Variants in STARD13 observed in about 807,000 individuals in gnomAD.
The protein encoded by STARD13 is stAR-related lipid transfer protein 13.
A neutral mutation model predicts 106.4 loss-of-function variants in STARD13; 62 were observed. That is an observed-to-expected ratio of 0.58 (90% confidence interval 0.48 to 0.72). The LOEUF (loss-of-function observed/expected upper bound fraction) is 0.72, where lower values mean the gene tolerates loss of function less well. STARD13 is among the 30% of genes least tolerant of loss of function. STARD13 has a pLI of 0.00. For missense variants in STARD13, 1,387 were observed against 1,424.0 expected (o/e 0.97, Z 0.42); for synonymous variants, 565 against 553.0 (o/e 1.02, Z -0.31).
chr13:33,599,079 T>C, the STARD13 span, among the ~76,000 whole-genome samples: 1 of 152,228 alleles, frequency 6.6e-6, no homozygotes, highest in Non-Finnish European at 1.5e-5. Context: ...TTGGTTTCTC[T>C]TCCAAACTTC....
At chr13:33,545,834 G>T in the STARD13 span, among the ~76,000 whole-genome samples, 113 of 152,182 alleles carry the variant, frequency 7.4e-4, no homozygotes, top group Non-Finnish European at 8.8e-4. Flanking sequence ...AACAGCCTGA[G>T]GCCCTCACCA....
intron 1 of STARD13, among the ~76,000 whole-genome samples, chr13:33,305,625 C>T (rs1892877694): frequency 6.6e-6 from 1 of 152,176 alleles, no homozygotes; most frequent in Admixed American, 6.5e-5. Context: ...GCACAGGGTT[C>T]TATGGAAACC....
At chr13:33,402,346 A>C in the STARD13 span, among the ~76,000 whole-genome samples, 2 of 152,372 alleles carry the variant, frequency 1.3e-5, no homozygotes, top group East Asian at 3.9e-4. Context: ...TTAGGGTTAG[A>C]GCACAGCATA....
chr13:33,667,456 T>C, the STARD13 span, among the ~76,000 whole-genome samples: 1 of 152,246 alleles, frequency 6.6e-6, no homozygotes, highest in Non-Finnish European at 1.5e-5. Context: ...TACTTTAAAT[T>C]TACTTTCATT....
chr13:33,426,169 A>C, the STARD13 span, among the ~76,000 whole-genome samples: 4 of 152,186 alleles, frequency 2.6e-5, no homozygotes, highest in African/African-American at 9.7e-5. Context: ...ATATGAGACT[A>C]ACCGTATACA....
chr13:33,532,094 T>C, the STARD13 span, among the ~76,000 whole-genome samples: 47 of 152,284 alleles, frequency 3.1e-4, no homozygotes, highest in South Asian at 3.5e-3. Context: ...GCACAGTCTA[T>C]AGGCTGTCGT....
chr13:33,198,124 C>A (rs901100281), intron 1 of STARD13, among the ~76,000 whole-genome samples: 4 of 152,184 alleles, frequency 2.6e-5, no homozygotes, highest in Non-Finnish European at 5.9e-5. Context: ...GCCGAGATCA[C>A]GCCACTGCAC....
chr13:33,352,304 GT>G (rs2078086350), upstream of STARD13, among the ~76,000 whole-genome samples: 1 of 152,176 alleles, frequency 6.6e-6, no homozygotes, highest in South Asian at 2.1e-4. Flanking sequence ...CTGCTATACA[GT>G]GTAACAACAA....
the STARD13 span, among the ~76,000 whole-genome samples, chr13:33,634,437 C>A: frequency 6.6e-6 from 1 of 152,160 alleles, no homozygotes; most frequent in Non-Finnish European, 1.5e-5. Context: ...GTTTCTAAAC[C>A]CATAGCCCCA....
chr13:33,591,429 C>A, the STARD13 span, among the ~76,000 whole-genome samples: 2 of 152,076 alleles, frequency 1.3e-5, no homozygotes, highest in East Asian at 3.9e-4. Context: ...ATATCCCCTG[C>A]CATAATATAA....
At position 33,127,437 on chromosome 13, in the gene STARD13, A is replaced by C; in HGVS notation, c.1858T>G (p.Ser620Ala). The C allele has an allele frequency of 6.2e-7, 1 of 1,604,770 alleles. No individual in the cohort carries two copies. The highest frequency in any genetic ancestry group is 1.3e-5 in the African/African-American group (1 of 74,848). Residue 620 changes from serine to alanine, a missense_variant, in exon 6 of 14, where the codon TCA becomes GCA. Physicochemically the swap from Ser to Ala is moderately conservative, Grantham distance 99 (BLOSUM62 1). Transcript: ENST00000336934. The stretch of plus-strand genomic sequence containing the variant: ...ATGATGGCCGTGAGGCGGAGCAGTG[A>C]GAAGCGCTGGAGCAGGCTCAGCTGG... ...ASQLSLLQRFSLLRLTAIMEK... is the reference protein window; with the variant it reads ...ASQLSLLQRFALLRLTAIMEK...
intron 8 of STARD13, among the ~76,000 whole-genome samples, chr13:33,114,765 G>A (rs1317486069): frequency 1.3e-5 from 2 of 151,988 alleles, no homozygotes; most frequent in South Asian, 2.1e-4. Context: ...ATCTCTATAT[G>A]TTGTCTCAGT....
the STARD13 span, among the ~76,000 whole-genome samples, chr13:33,521,144 G>A: frequency 2.0e-5 from 3 of 152,144 alleles, no homozygotes; most frequent in Non-Finnish European, 2.9e-5. Context: ...AGAGTCACTT[G>A]TTTGGCAGTC....
the STARD13 span, among the ~76,000 whole-genome samples, chr13:33,399,399 TCTC>T: frequency 6.6e-6 from 1 of 151,882 alleles, no homozygotes; most frequent in Non-Finnish European, 1.5e-5. Context: ...TACAGTTTAA[TCTC>T]TAAAGCATTA....
chr13:33,402,078 C>G, the STARD13 span, among the ~76,000 whole-genome samples: 3 of 152,056 alleles, frequency 2.0e-5, no homozygotes, highest in Admixed American at 2.0e-4. Flanking sequence ...ATAAGCCTGA[C>G]AGTACAAATA....
the STARD13 span, among the ~76,000 whole-genome samples, chr13:33,433,728 C>G: frequency 6.6e-6 from 1 of 152,126 alleles, no homozygotes; most frequent in South Asian, 2.1e-4. Context: ...AAAAATAATG[C>G]TTCCTTGATT....
the STARD13 span, among the ~76,000 whole-genome samples, chr13:33,528,240 A>T: frequency 7.6e-6 from 1 of 130,948 alleles, no homozygotes; most frequent in Non-Finnish European, 1.5e-5. Context: ...ATATATATAT[A>T]TACATATATA....
intron 1 of STARD13, among the ~76,000 whole-genome samples, chr13:33,316,343 G>C (rs1893336431): frequency 6.6e-6 from 1 of 152,144 alleles, no homozygotes; most frequent in Non-Finnish European, 1.5e-5. Flanking sequence ...CAGTCATCTG[G>C]TTACAAAGCC....
At chr13:33,235,003 A>G (rs985536246) in intron 1 of STARD13, among the ~76,000 whole-genome samples, 2 of 152,210 alleles carry the variant, frequency 1.3e-5, no homozygotes, top group Non-Finnish European at 2.9e-5. Flanking sequence ...AAATGTAAAA[A>G]TGTTCAGAAA....
Sources: allele counts gnomAD v4.1 joint callset (sites outside exome capture counted in the v4.1 genomes callset), GRCh38; gene constraint gnomAD v4.1.1; transcripts MANE v1.5; gene names NCBI Gene and HGNC (gene_info 2026-07-23, HGNC 2026-07-21).